The following ZFYVE1 variants were observed in gnomAD, a reference collection of about 807,000 sequenced individuals.
ZFYVE1 encodes the protein zinc finger FYVE-type containing 1.
ZFYVE1 carries 30 observed loss-of-function variants against 74.4 expected under a neutral mutation model. The ratio of observed to expected loss-of-function variants is 0.40; its 90% confidence interval spans 0.30 to 0.55. ZFYVE1 has a LOEUF of 0.55. ZFYVE1 is among the 20% of genes least tolerant of loss of function. The pLI is 0.42. For missense variants in ZFYVE1, 703 were observed against 1,011.6 expected, an observed-to-expected ratio of 0.69 and a Z score of 4.14; for synonymous variants, 335 against 385.1, an observed-to-expected ratio of 0.87 and a Z score of 1.52.
chr14:73,011,181 AAAAG>A (rs1268058602), intron 2 of ZFYVE1, among the ~76,000 whole-genome samples: 2 of 151,916 alleles, frequency 1.3e-5, no homozygotes, highest in Non-Finnish European at 2.9e-5. Context: ...CAAAAAAAAA[AAAAG>A]AAAGAAAGAA....
intron 2 of ZFYVE1, among the ~76,000 whole-genome samples, chr14:73,002,052 G>A (rs1013310689): frequency 5.9e-5 from 9 of 152,178 alleles, no homozygotes; most frequent in African/African-American, 2.2e-4. Flanking sequence ...AACGTAGCTG[G>A]CTATCAAATA....
intron 4 of ZFYVE1, among the ~76,000 whole-genome samples, chr14:72,989,843 A>G (rs1271408466): frequency 6.6e-6 from 1 of 152,140 alleles, no homozygotes; most frequent in African/African-American, 2.4e-5. Context: ...AAAATGGGAG[A>G]TTCAAGAAAT....
intron 4 of ZFYVE1, among the ~76,000 whole-genome samples, chr14:72,992,623 CG>C (rs60817271): frequency 0.091 from 10,559 of 116,328 alleles, 1,286 homozygotes; most frequent in East Asian, 0.19. Context: ...GTGCCCCCCC[CG>C]CCCCTTGCAA....
In ZFYVE1 at chr14:72,971,067, C is replaced by T. The variant is rs1403304501; in HGVS notation, c.2149G>A (p.Glu717Lys). Reference sequence around the variant, plus strand: ...CGGCAGTTGTGGCAGTGGAGGATTTCGTGGTCAGGCACCCAGTACGCAGGC... The same window carrying T: ...CGGCAGTTGTGGCAGTGGAGGATTTTGTGGTCAGGCACCCAGTACGCAGGC... ...ARPAYWVPDH[E>K]ILHCHNCRKE... The change falls in exon 12 of 12, where the codon GAA becomes AAA. Residue 717 changes from glutamate to lysine, a missense_variant. Physicochemically the swap from Glu to Lys is moderately conservative, Grantham distance 56. Transcript: ENST00000556143. 4 of 1,614,192 alleles carry T rather than the reference C, an allele frequency of 2.5e-6. No individual in the cohort carries two copies. The highest frequency in any genetic ancestry group is 2.2e-5 in the East Asian group (1 of 44,872).
At chr14:72,989,661 A>G (rs1324980451) in intron 4 of ZFYVE1, among the ~76,000 whole-genome samples, 4 of 152,184 alleles carry the variant, frequency 2.6e-5, no homozygotes, top group Non-Finnish European at 5.9e-5. Context: ...TAGAAGCGAA[A>G]TAACTATTGG....
chr14:72,984,704 T>G (rs1174211968), intron 4 of ZFYVE1, among the ~76,000 whole-genome samples: 1 of 152,182 alleles, frequency 6.6e-6, no homozygotes, highest in Admixed American at 6.6e-5. Flanking sequence ...TCAGGGATGT[T>G]TGTGGTCTCA....
At chr14:73,002,452 G>GT (rs917615026) in intron 2 of ZFYVE1, among the ~76,000 whole-genome samples, 31 of 98,866 alleles carry the variant, frequency 3.1e-4, no homozygotes, top group Non-Finnish European at 5.0e-4. Context: ...TTTTGGTTTT[G>GT]TTTTTTTTGA....
chr14:72,993,954 G>A (rs1893682670), intron 3 of ZFYVE1, among the ~76,000 whole-genome samples: 1 of 149,894 alleles, frequency 6.7e-6, no homozygotes, highest in Admixed American at 6.7e-5. Context: ...AGTGGAGGTT[G>A]CAGTGAGCCA....
At chr14:72,988,929 C>CT (rs34464072) in intron 4 of ZFYVE1, among the ~76,000 whole-genome samples, 25,839 of 118,108 alleles carry the variant, frequency 0.22, 4,041 homozygotes, top group African/African-American at 0.41. Flanking sequence ...GCAATTTCTT[C>CT]TTTTTTTTTT....
chr14:72,993,073 T>C, intron 4 of ZFYVE1, 70 bp downstream of exon 4: 1 of 1,445,558 alleles, frequency 6.9e-7, no homozygotes, highest in Non-Finnish European at 9.3e-7. Flanking sequence ...CCACAAAAGC[T>C]GGCGAACTGA....
Position 72,997,895 on chromosome 14 carries a change from A to G in ZFYVE1, c.904T>C (p.Cys302Arg), listed in dbSNP as rs775752685. 2.5e-6 allele frequency: 4 copies of G among 1,613,998 alleles called. No homozygotes were observed. The African/African-American group carries it at 5.3e-5, about 22-fold the overall frequency. The change falls in exon 3 of 12, where the codon TGT becomes CGT. Residue 302 changes from cysteine (C) to arginine (R), a missense_variant. By Grantham distance (180) the Cys-to-Arg change is radical. Transcript: ENST00000556143. ...GTGGATAAAGGGACATCCAGGCCAC[A>G]GCGAGCAGTGGTGGCCTTGAGCTCC... ...TKELKATTAR[C>R]GLDVPLSTLG... is the part of the protein sequence containing the mutation.
chr14:72,982,405 G>C (rs771959381), intron 4 of ZFYVE1, among the ~76,000 whole-genome samples: 1 of 148,716 alleles, frequency 6.7e-6, no homozygotes, highest in Non-Finnish European at 1.5e-5. Context: ...AAAAAAAGAA[G>C]AAGAATTATT....
chr14:73,001,070 T>C (rs1893859831), intron 2 of ZFYVE1, among the ~76,000 whole-genome samples: 2 of 152,260 alleles, frequency 1.3e-5, no homozygotes, highest in Admixed American at 1.3e-4. Context: ...AAACCTTTGC[T>C]TCTTAAACTT....
At chr14:72,974,506 C>T (rs1800867881) in intron 10 of ZFYVE1, among the ~76,000 whole-genome samples, 1 of 152,254 alleles carries the variant, frequency 6.6e-6, no homozygotes, top group African/African-American at 2.4e-5. Flanking sequence ...CTCTGGTAAA[C>T]ACTGCAGCCT....
At chr14:72,978,543 G>A (rs1454271633) in intron 6 of ZFYVE1, among the ~76,000 whole-genome samples, 2 of 122,410 alleles carry the variant, frequency 1.6e-5, no homozygotes, top group African/African-American at 6.4e-5. Context: ...CTCCAGCCTG[G>A]CTGACAGAGC....
chr14:73,015,669 C>T (rs1437303365), intron 2 of ZFYVE1, among the ~76,000 whole-genome samples: 2 of 152,164 alleles, frequency 1.3e-5, no homozygotes, highest in African/African-American at 2.4e-5. Flanking sequence ...CAGGCGTGAG[C>T]CACCACGCCC....
At position 72,998,291 on chromosome 14, in the gene ZFYVE1, T is replaced by C. The variant is rs1185390854; in HGVS notation, c.508A>G (p.Arg170Gly). The change falls in exon 3 of 12, where the codon AGA becomes GGA. Residue 170 changes from arginine (R) to glycine (G), a missense_variant. By Grantham distance (125) the Arg-to-Gly change is moderately radical (BLOSUM62 -2). Transcript: ENST00000556143. ...IQVTNEEDFI[R>G]KLDCKPDQHL... ...TGATCAGGTTTGCAGTCCAATTTTC[T>C]AATAAAGTCTTCTTCATTTGTTACC... 2.0e-6 allele frequency: 3 copies of C among 1,486,812 alleles called. No homozygotes were observed. In the South Asian group the frequency reaches 4.1e-5, roughly 20 times the overall value. 92.1% of individuals were successfully genotyped at this position (1,486,812 alleles called of 1,614,324 possible).
intron 4 of ZFYVE1, among the ~76,000 whole-genome samples, chr14:72,983,339 CTT>C (rs1893388359): frequency 6.8e-6 from 1 of 146,924 alleles, no homozygotes. Flanking sequence ...TAATGCTATC[CTT>C]CCCCCCTCCC....
intron 11 of ZFYVE1, 40 bp downstream of exon 11, chr14:72,974,040 C>T (rs1027536228): frequency 1.3e-6 from 2 of 1,594,496 alleles, no homozygotes; most frequent in Non-Finnish European, 1.7e-6. Flanking sequence ...ACCCCTCAAC[C>T]CGCATCCACT....
Sources: gnomAD v4.1 joint callset for allele counts (sites outside exome capture counted in the v4.1 genomes callset) on GRCh38, gnomAD v4.1.1 for gene constraint, MANE v1.5 for transcripts, NCBI Gene and HGNC (gene_info 2026-07-23, HGNC 2026-07-21) for gene names.